Variants in PRKCA observed in about 807,000 individuals in gnomAD.
The protein encoded by PRKCA is protein kinase C alpha type.
In PRKCA, 27 loss-of-function variants were observed where a neutral mutation model predicts 87.0. The ratio of observed to expected loss-of-function variants is 0.31; its 90% confidence interval spans 0.23 to 0.43. The LOEUF is 0.43. Ranked by LOEUF, PRKCA falls within the 20% of genes least tolerant of loss-of-function variation. The probability of loss-of-function intolerance (pLI) is 1.00; values close to 1 mark genes in which losing one functional copy is unlikely to be tolerated. For missense variants in PRKCA, 518 were observed against 852.3 expected (o/e 0.61, Z 4.88); for synonymous variants, 329 against 311.1 (o/e 1.06, Z -0.61).
chr17:66,503,748 A>G (rs2144140537), intron 3 of PRKCA, among the ~76,000 whole-genome samples: 1 of 152,328 alleles, frequency 6.6e-6, no homozygotes, highest in East Asian at 1.9e-4. Flanking sequence ...GGCTGCTGAA[A>G]TGTTGAAAAT....
intron 3 of PRKCA, among the ~76,000 whole-genome samples, chr17:66,592,221 G>T (rs1039232348): frequency 2.6e-5 from 4 of 151,614 alleles, no homozygotes; most frequent in Admixed American, 6.6e-5. Flanking sequence ...CGGGCATGGT[G>T]CTACATGCCT....
rs59309576 is a variant in PRKCA at position 66,698,819 on chromosome 17, C to CAAAA, written c.918+9786_918+9789dup. Among the ~76,000 whole-genome samples, 154 of 102,780 alleles carry CAAAA rather than the reference C, an allele frequency of 1.5e-3. 1 individual carries two copies. The highest frequency in any genetic ancestry group is 8.2e-3 in the East Asian group (33 of 4,044). The allele number at this position is 102,780 out of a possible 152,430, so 67.4% of individuals were successfully genotyped here. ...CAAAACCCTGTGTCTACTAAAAATA[C>CAAAA]AAAAAAAAAAAAAAAAATAGGTGTA... On this transcript the variant is annotated intron_variant, in intron 8 of 16. Coordinates refer to ENST00000413366, the MANE Select transcript of PRKCA (RefSeq NM_002737.3).
chr17:66,519,788 G>T (rs2144214072), intron 3 of PRKCA, among the ~76,000 whole-genome samples: 1 of 152,338 alleles, frequency 6.6e-6, no homozygotes, highest in South Asian at 2.1e-4. Flanking sequence ...CAGCAAGGCA[G>T]CGGCTGGGGC....
At chr17:66,688,015 T>C (rs1223121374) in intron 6 of PRKCA, among the ~76,000 whole-genome samples, 1 of 152,178 alleles carries the variant, frequency 6.6e-6, no homozygotes, top group African/African-American at 2.4e-5. Flanking sequence ...CCGGTATAAC[T>C]TTCTAGTGCC....
intron 3 of PRKCA, among the ~76,000 whole-genome samples, chr17:66,580,932 C>T (rs531181424): frequency 6.6e-6 from 1 of 151,590 alleles, no homozygotes; most frequent in Non-Finnish European, 1.5e-5. Flanking sequence ...ATTTGTTGCC[C>T]CCCCCCATGC....
intron 3 of PRKCA, among the ~76,000 whole-genome samples, chr17:66,562,092 TATATATAATTA>T: frequency 8.9e-6 from 1 of 112,722 alleles, no homozygotes; most frequent in Non-Finnish European, 1.8e-5. Flanking sequence ...TATAATTAAA[TATATATAATTA>T]AATTATATAT....
rs190035876 is a variant in PRKCA, at chr17:66,593,912, C to A, written c.289-47443C>A. ...CAGCCTGGCCAACATGGAAAAACCC[C>A]GTCTCTACTAAAAATACAAAAAATT... On this transcript the variant is annotated intron_variant, in intron 3 of 16. Transcript: ENST00000413366. Among the ~76,000 whole-genome samples, 23 of 152,252 alleles carry A rather than the reference C, an allele frequency of 1.5e-4. 1 individual carries two copies. The highest frequency in any genetic ancestry group is 5.5e-4 in the African/African-American group (23 of 41,556).
rs556540463 is a variant in PRKCA at position 66,649,595 on chromosome 17, G to A, written c.529+4084G>A. On this transcript the variant is annotated intron_variant, in intron 5 of 16. Coordinates refer to ENST00000413366, the MANE Select transcript of PRKCA (RefSeq NM_002737.3). ...GCCCGGGCCTGGCTTCCACACTCTT[G>A]CTTTCAGTGCATAGGCTATGAATGT... is the stretch of plus-strand genomic sequence containing the variant. Among the ~76,000 whole-genome samples the A allele has an allele frequency of 2.0e-5, 3 of 152,316 alleles. No homozygotes were observed. In the East Asian group the frequency reaches 5.8e-4, roughly 29 times the overall value.
rs541527381 is a variant in PRKCA, at chr17:66,739,765, G to A, written c.1322+910G>A. On this transcript the variant is annotated intron_variant, in intron 11 of 16. Transcript: ENST00000413366. ...GATGCTGTGAGATTATTTGAGGGGC[G>A]GGGGAAGGGGGGAACGTGGTAGGTG... Among the ~76,000 whole-genome samples, 12 of 152,150 alleles carry A rather than the reference G, an allele frequency of 7.9e-5. No homozygotes were observed. In the South Asian group the frequency reaches 1.2e-3, roughly 16 times the overall value.
chr17:66,375,882 C>T (rs1264225326), intron 2 of PRKCA, among the ~76,000 whole-genome samples: 1 of 152,084 alleles, frequency 6.6e-6, no homozygotes, highest in East Asian at 1.9e-4. Context: ...GTCCCTCAGA[C>T]AACTGTGAAG....
Position 66,688,327 on chromosome 17 carries a change from C to T in PRKCA, c.712C>T (p.Arg238Ter), listed in dbSNP as rs878902960. 2.5e-6 allele frequency: 4 copies of T among 1,614,064 alleles called. No homozygotes were observed. The highest frequency in any genetic ancestry group is 3.4e-6 in the Non-Finnish European group (4 of 1,179,990). The change falls in exon 7 of 17, where the codon CGA (arginine) becomes TGA (stop). Residue 238 changes from arginine (R) to a stop codon, truncating the protein, a stop_gained. Transcript: ENST00000413366. LOFTEE classifies it high-confidence loss of function. ...CAAATTGAAACCTTCAGACAAAGAC[C>T]GACGACTGTCTGTAGAAATCTGGGA... ...TFKLKPSDKD[R>*]RLSVEIWDWD...
At chr17:66,740,766 G>A (rs1335738601) in intron 11 of PRKCA, among the ~76,000 whole-genome samples, 1 of 152,198 alleles carries the variant, frequency 6.6e-6, no homozygotes, top group African/African-American at 2.4e-5. Context: ...ACATAAAGGT[G>A]TCTGGTCCAA....
At chr17:66,719,064 G>A (rs1184380748) in intron 8 of PRKCA, among the ~76,000 whole-genome samples, 1 of 152,068 alleles carries the variant, frequency 6.6e-6, no homozygotes, top group African/African-American at 2.4e-5. Flanking sequence ...TCCCCAAAAA[G>A]GTCACAAACA....
intron 3 of PRKCA, among the ~76,000 whole-genome samples, chr17:66,627,433 A>G (rs960758608): frequency 5.3e-5 from 8 of 152,186 alleles, no homozygotes; most frequent in African/African-American, 1.9e-4. Flanking sequence ...TCTGTTGTTT[A>G]AAGAAAAGGA....
At chr17:66,793,584 C>G (rs1975593577) in intron 16 of PRKCA, among the ~76,000 whole-genome samples, 1 of 120,154 alleles carries the variant, frequency 8.3e-6, no homozygotes, top group African/African-American at 3.6e-5. Context: ...GAATGAAACT[C>G]CGTCTCAAAA....
chr17:66,612,873 T>G (rs906453334), intron 3 of PRKCA, among the ~76,000 whole-genome samples: 2 of 152,162 alleles, frequency 1.3e-5, no homozygotes, highest in African/African-American at 2.4e-5. Context: ...GTTTTTAAAT[T>G]ATCATAATTG....
chr17:66,305,975 A>T, intron 1 of PRKCA, 121 bp from the exon 2 acceptor site: 2 of 899,760 alleles, frequency 2.2e-6, no homozygotes, highest in Admixed American at 2.1e-5. Flanking sequence ...TTTTTCTATT[A>T]AATCATTGGG....
intron 3 of PRKCA, chr17:66,554,665 A>C: frequency 2.0e-6 from 1 of 504,918 alleles, no homozygotes; most frequent in Non-Finnish European, 2.6e-6. Context: ...ATGTGAAGGG[A>C]GTTTGGTTAT....
intron 3 of PRKCA, among the ~76,000 whole-genome samples, chr17:66,620,136 G>A (rs576774636): frequency 1.3e-5 from 2 of 152,306 alleles, no homozygotes; most frequent in East Asian, 1.9e-4. Context: ...GCTGTGTTAC[G>A]TGAATACTCA....
Sources: allele counts gnomAD v4.1 joint callset (sites outside exome capture counted in the v4.1 genomes callset), GRCh38; gene constraint gnomAD v4.1.1; transcripts MANE v1.5; gene names NCBI Gene and HGNC (gene_info 2026-07-23, HGNC 2026-07-21).